Variants in CLCN4 observed in about 807,000 individuals in gnomAD.
CLCN4 encodes Cl-/H+ antiporter 4, also known as H(+)/Cl(-) exchange transporter 4.
In CLCN4, 1 loss-of-function variant was observed where a neutral mutation model predicts 41.7. The ratio of observed to expected loss-of-function variants is 0.02; its 90% CI spans 0.01 to 0.11. The LOEUF (loss-of-function observed/expected upper bound fraction) is 0.11. Ranked by LOEUF, CLCN4 falls within the 10% of genes least tolerant of loss-of-function variation. The probability of loss-of-function intolerance (pLI) is 1.00; values close to 1 mark genes in which losing one functional copy is unlikely to be tolerated. For missense variants in CLCN4, 287 were observed against 661.0 expected (o/e 0.43, Z 6.20); for synonymous variants, 277 against 285.8 (o/e 0.97, Z 0.31).
chrX:10,217,486 G>A (rs1924756513), intron 11 of CLCN4, among the ~76,000 whole-genome samples: 1 of 111,777 alleles, frequency 8.9e-6, no homozygotes, highest in Non-Finnish European at 1.9e-5. Flanking sequence ...AATGTCTTTA[G>A]ACATTGCCAA....
At chrX:10,194,350 A>G (rs1269578001) in intron 4 of CLCN4, among the ~76,000 whole-genome samples, 1 of 112,158 alleles carries the variant, frequency 8.9e-6, no homozygotes, top group Non-Finnish European at 1.9e-5. Flanking sequence ...CTTTTAAAAT[A>G]CTTATTTAGT....
At chrX:10,170,591 G>T (rs1167198884) in intron 2 of CLCN4, among the ~76,000 whole-genome samples, 1 of 111,798 alleles carries the variant, frequency 8.9e-6, no homozygotes, top group African/African-American at 3.3e-5. Context: ...TCCCTTGGAA[G>T]CTTGTTAGAA....
intron 3 of CLCN4, 82 bp from the exon 4 acceptor site, chrX:10,187,432 GT>G: frequency 1.4e-6 from 1 of 694,941 alleles, no homozygotes; most frequent in South Asian, 2.4e-5. Flanking sequence ...TAATTACCCT[GT>G]TTCCCGAGGA....
rs149158671 is a variant in CLCN4 at position 10,220,716 on chromosome X, G to A, written c.2031G>A (p.Thr677=). 1.8e-4 allele frequency: 212 copies of A among 1,209,640 alleles called. No individual in the cohort carries two copies. The African/African-American group carries it at 3.1e-3, about 18-fold the overall frequency. The change falls in exon 12 of 13, where the codon ACG becomes ACA. Residue 677 remains threonine, a synonymous_variant. Coordinates refer to ENST00000380833, the MANE Select transcript of CLCN4 (RefSeq NM_001830.4). Reference sequence around the variant, plus strand: ...TGAGCAATTCCATCATGTACTTCACGGAGGAACCCCCCGAGCTGCCGGCCA... The same window carrying A: ...TGAGCAATTCCATCATGTACTTCACAGAGGAACCCCCCGAGCTGCCGGCCA... ...GIVSNSIMYF[T]EEPPELPANS...
At chrX:10,187,401 A>G (rs1923840879) in intron 3 of CLCN4, 114 bp from the exon 4 acceptor site, 2 of 555,802 alleles carry the variant, frequency 3.6e-6, no homozygotes, top group African/African-American at 4.5e-5. Flanking sequence ...TAGCTGCTTG[A>G]TGACATTCAT....
At chrX:10,212,191 T>G (rs1279603353) in intron 9 of CLCN4, among the ~76,000 whole-genome samples, 2 of 112,341 alleles carry the variant, frequency 1.8e-5, no homozygotes, top group Non-Finnish European at 3.8e-5. Flanking sequence ...GGCTTATCAT[T>G]CTTTAATCCA....
chrX:10,196,579 A>G (rs1924102029), intron 5 of CLCN4, among the ~76,000 whole-genome samples: 1 of 101,864 alleles, frequency 9.8e-6, no homozygotes, highest in South Asian at 4.6e-4. Context: ...ACCACAGCTG[A>G]AGACATTTGG....
chrX:10,214,178 C>T (rs1192733409), intron 11 of CLCN4, 99 bp downstream of exon 11: 1 of 902,785 alleles, frequency 1.1e-6, no homozygotes, highest in Admixed American at 4.1e-5. Flanking sequence ...GTGCATTAAG[C>T]CAGGGGCTCT....
intron 5 of CLCN4, among the ~76,000 whole-genome samples, chrX:10,197,014 G>A (rs1468616433): frequency 1.8e-5 from 2 of 112,035 alleles, no homozygotes; most frequent in Non-Finnish European, 3.8e-5. Flanking sequence ...CTCCTGGAAC[G>A]TGTTTTTGCA....
At chrX:10,175,949 T>TCCCTCTCC (rs1362236508) in intron 2 of CLCN4, among the ~76,000 whole-genome samples, 1 of 58,003 alleles carries the variant, frequency 1.7e-5, no homozygotes, top group African/African-American at 7.1e-5. Context: ...CCTCTCCCTC[T>TCCCTCTCC]CTCTCTCTCT....
intron 12 of CLCN4, among the ~76,000 whole-genome samples, chrX:10,221,603 T>A (rs1319630556): frequency 8.9e-6 from 1 of 112,196 alleles, no homozygotes; most frequent in Non-Finnish European, 1.9e-5. Context: ...TGGCCCAGGA[T>A]TGCACCACTG....
intron 12 of CLCN4, among the ~76,000 whole-genome samples, chrX:10,229,275 C>T (rs895397928): frequency 2.9e-4 from 32 of 110,636 alleles, no homozygotes; most frequent in African/African-American, 8.9e-4. Flanking sequence ...ATTATCAGAG[C>T]TAGAACAAAA....
At chrX:10,190,265 G>A (rs185303032) in intron 4 of CLCN4, among the ~76,000 whole-genome samples, 5 of 111,757 alleles carry the variant, frequency 4.5e-5, no homozygotes, top group Admixed American at 1.9e-4. Context: ...GAGGTGATTC[G>A]GTTGGTGCGA....
At chrX:10,225,779 A>T (rs186740628) in intron 12 of CLCN4, among the ~76,000 whole-genome samples, 106 of 111,824 alleles carry the variant, frequency 9.5e-4, no homozygotes, top group African/African-American at 3.4e-3. Context: ...TGTAAGGTAT[A>T]AGGAAGGGGT....
chrX:10,228,046 T>C (rs1198588911), intron 12 of CLCN4, among the ~76,000 whole-genome samples: 2 of 111,173 alleles, frequency 1.8e-5, no homozygotes, highest in Non-Finnish European at 3.8e-5. Flanking sequence ...TCAGGGTAAA[T>C]GGGGTCTCCC....
chrX:10,211,099 C>A (rs1349914846), intron 9 of CLCN4, among the ~76,000 whole-genome samples: 2 of 104,926 alleles, frequency 1.9e-5, no homozygotes, highest in Non-Finnish European at 3.9e-5. Flanking sequence ...AACCCCATTT[C>A]TTCTAAAAAT....
chrX:10,208,522 G>A lies in CLCN4; in HGVS notation c.1321G>A (p.Ala441Thr), dbSNP rs1280248831. 8.3e-7 allele frequency: 1 copy of A among 1,211,328 alleles called. No individual in the cohort carries two copies. The change falls in exon 9 of 13, where the codon GCC (alanine) becomes ACC (threonine). Residue 441 changes from alanine (A) to threonine (T), a missense_variant. By Grantham distance (58) the Ala-to-Thr change is moderately conservative. Coordinates refer to ENST00000380833, the MANE Select transcript of CLCN4 (RefSeq NM_001830.4). ...GCCGGCTGGTGTCGGTGTTTACACG[G>A]CCATGTGGCAGCTGGCCCTGGCACT... ...DRPAGVGVYT[A>T]MWQLALALIF...
intron 2 of CLCN4, among the ~76,000 whole-genome samples, chrX:10,170,428 A>G (rs962783383): frequency 1.8e-5 from 2 of 112,356 alleles, no homozygotes; most frequent in Non-Finnish European, 3.8e-5. Flanking sequence ...GATTGATGTT[A>G]AAAATATTAA....
At chrX:10,195,800 C>G (rs1294072601) in intron 5 of CLCN4, among the ~76,000 whole-genome samples, 1 of 112,445 alleles carries the variant, frequency 8.9e-6, no homozygotes, top group African/African-American at 3.2e-5. Context: ...CAGACTTCTT[C>G]CTATTGTAGC....
Sources: allele counts gnomAD v4.1 joint callset (sites outside exome capture counted in the v4.1 genomes callset), GRCh38; gene constraint gnomAD v4.1.1; transcripts MANE v1.5; gene names NCBI Gene and HGNC (gene_info 2026-07-23, HGNC 2026-07-21).